The following KLHL3 variants were observed in gnomAD, a reference collection of about 807,000 sequenced individuals.
KLHL3 encodes the protein kelch-like protein 3.
In KLHL3, 19 loss-of-function variants were observed where a neutral mutation model predicts 70.5. The observed-to-expected ratio is 0.27, with a 90% confidence interval of 0.19 to 0.40. KLHL3 has a LOEUF of 0.40. Ranked by LOEUF, KLHL3 falls within the 10% of genes least tolerant of loss-of-function variation. KLHL3 has a pLI of 1.00. For synonymous variants in KLHL3, 258 were observed against 290.3 expected (o/e 0.89, Z 1.13); for missense variants, 512 against 771.1 (o/e 0.66, Z 3.98).
intron 1 of KLHL3, among the ~76,000 whole-genome samples, chr5:137,730,026 T>A (rs1022511286): frequency 1.3e-5 from 2 of 152,160 alleles, no homozygotes; most frequent in African/African-American, 4.8e-5. Context: ...ATTAGTAAGG[T>A]ACAGATCGAG....
intron 5 of KLHL3, among the ~76,000 whole-genome samples, chr5:137,690,326 C>CAA (rs35864411): frequency 7.1e-6 from 1 of 140,774 alleles, no homozygotes; most frequent in Non-Finnish European, 1.5e-5. Flanking sequence ...GACTCCATCT[C>CAA]AAAAAAAAAA....
intron 8 of KLHL3, among the ~76,000 whole-genome samples, chr5:137,650,346 T>A (rs1751169437): frequency 6.6e-6 from 1 of 152,170 alleles, no homozygotes; most frequent in African/African-American, 2.4e-5. Flanking sequence ...CCTGTACCCC[T>A]ATGAGGGCAT....
chr5:137,727,152 T>C (rs999944336), intron 1 of KLHL3, among the ~76,000 whole-genome samples: 7 of 152,130 alleles, frequency 4.6e-5, no homozygotes, highest in African/African-American at 1.4e-4. Context: ...GTATTCTCTA[T>C]CTCAGAGGCA....
intron 6 of KLHL3, among the ~76,000 whole-genome samples, chr5:137,667,878 C>T (rs552547047): frequency 6.9e-4 from 105 of 152,308 alleles, no homozygotes; most frequent in African/African-American, 2.4e-3. Flanking sequence ...TTAATAACAA[C>T]AAGCACAGTG....
chr5:137,685,996 A>G (rs1280087988), intron 5 of KLHL3, among the ~76,000 whole-genome samples: 1 of 152,224 alleles, frequency 6.6e-6, no homozygotes, highest in Non-Finnish European at 1.5e-5. Context: ...AATAGCAATA[A>G]TAACAACAAC....
At chr5:137,646,959 G>A (rs1751064096) in intron 8 of KLHL3, among the ~76,000 whole-genome samples, 2 of 152,164 alleles carry the variant, frequency 1.3e-5, no homozygotes, top group Non-Finnish European at 2.9e-5. Context: ...TTGGCAGGGT[G>A]CCTCAAAGTT....
intron 6 of KLHL3, among the ~76,000 whole-genome samples, chr5:137,665,083 G>A (rs529940795): frequency 2.6e-5 from 4 of 152,018 alleles, no homozygotes; most frequent in African/African-American, 4.8e-5. Flanking sequence ...TGAATCTTAC[G>A]GTGAGGAAAC....
At chr5:137,688,707 T>C (rs1261629816) in intron 5 of KLHL3, among the ~76,000 whole-genome samples, 1 of 152,244 alleles carries the variant, frequency 6.6e-6, no homozygotes, top group African/African-American at 2.4e-5. Context: ...CTTCTGTCCC[T>C]TCTGTCACTA....
intron 8 of KLHL3, among the ~76,000 whole-genome samples, chr5:137,649,695 C>T (rs1304043176): frequency 2.0e-5 from 3 of 152,254 alleles, no homozygotes; most frequent in Non-Finnish European, 4.4e-5. Flanking sequence ...CAAGGTCCAA[C>T]TTCCTCATCT....
intron 8 of KLHL3, chr5:137,647,632 G>A (rs1324886928): frequency 2.6e-5 from 12 of 470,220 alleles, no homozygotes; most frequent in East Asian, 7.0e-5. Flanking sequence ...ACCCTGGTGC[G>A]TGGGGCCGCA....
intron 2 of KLHL3, among the ~76,000 whole-genome samples, chr5:137,713,122 T>C (rs566921051): frequency 7.5e-6 from 1 of 133,510 alleles, no homozygotes; most frequent in Non-Finnish European, 1.5e-5. Flanking sequence ...ACATGGGAGA[T>C]GGTTAAGAGG....
In KLHL3 at chr5:137,642,319, G is replaced by A. The variant is rs547084153; in HGVS notation, c.904-2342C>T. On this transcript the variant is annotated intron_variant, in intron 8 of 14. Coordinates refer to ENST00000309755, the MANE Select transcript of KLHL3 (RefSeq NM_017415.3). ...TGACTCGAAACCTTCCCATCTCTGA[G>A]CACTCTGCCTTAACACCTGCTTATC... Among the ~76,000 whole-genome samples, 4 of 152,276 alleles carry A rather than the reference G, an allele frequency of 2.6e-5. No homozygotes were observed. The South Asian group carries it at 8.3e-4, about 32-fold the overall frequency.
At chr5:137,680,693 C>CT (rs1204348430) in intron 5 of KLHL3, among the ~76,000 whole-genome samples, 1 of 152,068 alleles carries the variant, frequency 6.6e-6, no homozygotes, top group African/African-American at 2.4e-5. Flanking sequence ...CAGGCGTCCA[C>CT]TACCACGCCC....
chr5:137,691,614 CTTTT>C (rs34825035), intron 5 of KLHL3, among the ~76,000 whole-genome samples: 1 of 143,290 alleles, frequency 7.0e-6, no homozygotes. Context: ...TAGTACGTGA[CTTTT>C]TTTTTTTTTT....
intron 2 of KLHL3, among the ~76,000 whole-genome samples, chr5:137,714,198 A>G (rs1423186369): frequency 6.6e-6 from 1 of 152,200 alleles, no homozygotes; most frequent in Non-Finnish European, 1.5e-5. Context: ...AAGAAGTGTT[A>G]GAGAAGATGT....
chr5:137,731,791 T>C (rs1313907677), intron 1 of KLHL3, among the ~76,000 whole-genome samples: 1 of 152,232 alleles, frequency 6.6e-6, no homozygotes, highest in Non-Finnish European at 1.5e-5. Flanking sequence ...TCTTCCAAAG[T>C]TGTGGTGCTC....
intron 8 of KLHL3, among the ~76,000 whole-genome samples, chr5:137,653,991 C>T (rs897904827): frequency 6.6e-6 from 1 of 152,154 alleles, no homozygotes; most frequent in Non-Finnish European, 1.5e-5. Context: ...ACAAGCCAAG[C>T]TCAAAGGACT....
At chr5:137,656,210 C>CAA (rs11454314) in intron 8 of KLHL3, among the ~76,000 whole-genome samples, 49 of 145,818 alleles carry the variant, frequency 3.4e-4, no homozygotes, top group East Asian at 6.0e-4. Context: ...GTTTACATTA[C>CAA]AAAAAAAAAA....
At chr5:137,643,751 T>A (rs1750975385) in intron 8 of KLHL3, among the ~76,000 whole-genome samples, 1 of 152,196 alleles carries the variant, frequency 6.6e-6, no homozygotes, top group South Asian at 2.1e-4. Context: ...TTCAAAATCC[T>A]CTCTTCTAGC....
Sources: allele counts gnomAD v4.1 joint callset (sites outside exome capture counted in the v4.1 genomes callset), GRCh38; gene constraint gnomAD v4.1.1; transcripts MANE v1.5; gene names NCBI Gene and HGNC (gene_info 2026-07-23, HGNC 2026-07-21).